The following ATRX variants were observed in gnomAD, a reference collection of about 807,000 sequenced individuals.
ATRX encodes the protein chromatin remodeler ATRX.
In ATRX, 12 loss-of-function variants were observed where a neutral mutation model predicts 172.6. The observed-to-expected ratio is 0.07, with a 90% confidence interval of 0.04 to 0.11. The LOEUF (loss-of-function observed/expected upper bound fraction) is 0.11. ATRX is among the 10% of genes least tolerant of loss of function. The pLI, the probability that ATRX is intolerant of heterozygous loss-of-function variation, is 1.00. For missense variants in ATRX, 1,368 were observed against 1,767.4 expected (o/e 0.77, Z 4.05); for synonymous variants, 674 against 594.7 (o/e 1.13, Z -1.94).
chrX:77,634,537 C>T, intron 17 of ATRX, 57 bp downstream of exon 17: 2 of 979,894 alleles, frequency 2.0e-6, no homozygotes, highest in Non-Finnish European at 2.9e-6. Flanking sequence ...TAATAGAATC[C>T]AATATATATT....
At chrX:77,553,402 C>T (rs1447230337) in intron 30 of ATRX, among the ~76,000 whole-genome samples, 2 of 111,698 alleles carry the variant, frequency 1.8e-5, no homozygotes, top group Admixed American at 1.9e-4. Context: ...ATCCTCCACA[C>T]TGATACATAA....
chrX:77,624,368 A>G (rs1159188983), intron 19 of ATRX, among the ~76,000 whole-genome samples: 3 of 111,299 alleles, frequency 2.7e-5, no homozygotes, highest in African/African-American at 9.8e-5. Context: ...CTCCATCTCA[A>G]AAAAAGAAAA....
intron 1 of ATRX, among the ~76,000 whole-genome samples, chrX:77,759,324 C>G (rs1275918951): frequency 9.1e-6 from 1 of 110,134 alleles, no homozygotes; most frequent in Non-Finnish European, 1.9e-5. Flanking sequence ...TTTAAGAATG[C>G]TCATGAGAAC....
chrX:77,697,805 G>A (rs1293416691), intron 3 of ATRX, among the ~76,000 whole-genome samples, 170 bp from the exon 4 acceptor site: 1 of 111,829 alleles, frequency 8.9e-6, no homozygotes, highest in African/African-American at 3.2e-5. Flanking sequence ...ACCACATAAG[G>A]AACACAGATG....
chrX:77,690,836 G>A (rs1170839458), intron 6 of ATRX: 2 of 111,948 alleles, frequency 1.8e-5, no homozygotes, highest in Non-Finnish European at 1.9e-5. Flanking sequence ...TGCATACATC[G>A]CTCAAGAATT....
intron 2 of ATRX, among the ~76,000 whole-genome samples, chrX:77,716,802 C>G (rs1367683307): frequency 1.8e-5 from 2 of 111,776 alleles, no homozygotes; most frequent in African/African-American, 6.5e-5. Flanking sequence ...CAAAACATTC[C>G]TATACTACTC....
At chrX:77,707,441 C>A (rs1280208869) in intron 2 of ATRX, among the ~76,000 whole-genome samples, 2 of 111,675 alleles carry the variant, frequency 1.8e-5, no homozygotes, top group Admixed American at 9.5e-5. Flanking sequence ...GCATAAATAC[C>A]CATTTTAAAA....
At position 77,530,908 on chromosome X, in the gene ATRX, A is replaced by C. The variant is rs953838979; in HGVS notation, c.6700-7507T>G. Among the ~76,000 whole-genome samples the C allele has an allele frequency of 7.1e-5, 8 of 112,466 alleles. No homozygotes were observed. In the South Asian group the frequency reaches 2.9e-3, roughly 41 times the overall value. On this transcript the variant is annotated intron_variant, in intron 30 of 34. Transcript: ENST00000373344. ...TGAAGAAAAGAAAGAAGAATCAAAT[A>C]AAATAAAAATCAAATAAAAAATAAA...
intron 26 of ATRX, among the ~76,000 whole-genome samples, chrX:77,590,513 G>T (rs1012972292): frequency 1.9e-5 from 2 of 107,517 alleles, no homozygotes; most frequent in African/African-American, 6.8e-5. Context: ...TCGGGAGGCT[G>T]AGGTAGGAGA....
chrX:77,512,884 A>G (rs1557037220), intron 34 of ATRX, among the ~76,000 whole-genome samples: 1 of 111,277 alleles, frequency 9.0e-6, no homozygotes, highest in Non-Finnish European at 1.9e-5. Context: ...AAATAATAAT[A>G]AAAGAAATTA....
chrX:77,590,049 G>T, intron 26 of ATRX, 109 bp from the exon 27 acceptor site: 1 of 684,160 alleles, frequency 1.5e-6, no homozygotes, highest in Non-Finnish European at 2.2e-6. Flanking sequence ...ATCCCAGCAG[G>T]ATTTTTTTGT....
At chrX:77,656,930 C>T (rs782227737) in intron 12 of ATRX, among the ~76,000 whole-genome samples, 1 of 111,155 alleles carries the variant, frequency 9.0e-6, no homozygotes, top group African/African-American at 3.3e-5. Flanking sequence ...AATAAATTAC[C>T]TGTCAATAAA....
At chrX:77,753,731 T>C (rs782527787) in intron 1 of ATRX, among the ~76,000 whole-genome samples, 19 of 112,041 alleles carry the variant, frequency 1.7e-4, no homozygotes, top group African/African-American at 5.5e-4. Flanking sequence ...CCAGCAGTCA[T>C]TCAGGAGCAG....
At chrX:77,744,989 C>T (rs1557184104) in intron 1 of ATRX, among the ~76,000 whole-genome samples, 1 of 107,398 alleles carries the variant, frequency 9.3e-6, no homozygotes, top group African/African-American at 3.4e-5. Flanking sequence ...GAGTGAGACT[C>T]TGCCTCAACA....
At position 77,659,049 on chromosome X, in the gene ATRX, C is replaced by T. The variant is rs2069711178; in HGVS notation, c.4121-2396G>A. Among the ~76,000 whole-genome samples the T allele has an allele frequency of 2.7e-5, 3 of 110,732 alleles. No individual in the cohort carries two copies. In the Admixed American group the frequency reaches 2.9e-4, roughly 11 times the overall value. On this transcript the variant is annotated intron_variant, in intron 12 of 34. Coordinates refer to ENST00000373344, the MANE Select transcript of ATRX (RefSeq NM_000489.6). ...GAACATAAATGCTATAAAGAAATGT[C>T]GGGGGAGAGGGGAACAAAGAGTTAT...
chrX:77,743,685 T>C (rs2074964187), intron 1 of ATRX, among the ~76,000 whole-genome samples: 1 of 111,108 alleles, frequency 9.0e-6, no homozygotes, highest in South Asian at 3.8e-4. Flanking sequence ...CACAAGAGTA[T>C]CTCAACAAAA....
chrX:77,660,917 A>G (rs2069854969), intron 12 of ATRX, among the ~76,000 whole-genome samples: 2 of 111,936 alleles, frequency 1.8e-5, no homozygotes, highest in South Asian at 7.3e-4. Flanking sequence ...TTTCATACCA[A>G]TTAAGAAGAC....
intron 12 of ATRX, 35 bp downstream of exon 12, chrX:77,663,347 A>C (rs782267063): frequency 8.3e-7 from 1 of 1,201,429 alleles, no homozygotes. Context: ...GTCTGGTCCA[A>C]TATGTTCTTT....
rs1485246443 is a variant in ATRX, at chrX:77,505,608, G to A, written c.*2743C>T. 5 of 171,808 alleles carry A rather than the reference G, an allele frequency of 2.9e-5. No individual in the cohort carries two copies. Among genetic ancestry groups the A allele is most frequent in the Middle Eastern group, 1.8e-3 (1 of 569 alleles). 14.2% of individuals were successfully genotyped at this position (171,808 alleles called of 1,213,427 possible). A position where few individuals can be genotyped will look rare whatever the true frequency, so the allele number is the denominator to read the frequency against. On this transcript the variant is annotated 3_prime_UTR_variant, in exon 35 of 35. Coordinates refer to ENST00000373344, the MANE Select transcript of ATRX (RefSeq NM_000489.6). ...ACCTCTCAATATTAAATAACTAAAT[G>A]TGCAAAAGAACCACCATTATATAGG...
Sources: gnomAD v4.1 joint callset for allele counts (sites outside exome capture counted in the v4.1 genomes callset) on GRCh38, gnomAD v4.1.1 for gene constraint, MANE v1.5 for transcripts, NCBI Gene and HGNC (gene_info 2026-07-23, HGNC 2026-07-21) for gene names.